Variants in MAN2A1 observed in about 807,000 individuals in gnomAD.
MAN2A1 encodes mannosidase alpha class 2A member 1.
A neutral mutation model predicts 142.6 loss-of-function variants in MAN2A1; 76 were observed. That is an observed-to-expected ratio of 0.53 (90% CI 0.44 to 0.65). The LOEUF (loss-of-function observed/expected upper bound fraction) is 0.65, where lower values mean the gene tolerates loss of function less well. MAN2A1 is among the 30% of genes least tolerant of loss of function. The pLI, the probability that MAN2A1 is intolerant of heterozygous loss-of-function variation, is 0.00. For synonymous variants in MAN2A1, 559 were observed against 473.2 expected, an observed-to-expected ratio of 1.18 and a Z score of -2.35; for missense variants, 1,311 against 1,365.1, an observed-to-expected ratio of 0.96 and a Z score of 0.62.
chr5:109,808,702 ATTTT>A (rs34026574), intron 12 of MAN2A1, among the ~76,000 whole-genome samples: 2 of 114,460 alleles, frequency 1.7e-5, no homozygotes, highest in Non-Finnish European at 1.8e-5. Context: ...CCTTACACTA[ATTTT>A]TTTTTTTTTT....
Position 109,838,074 on chromosome 5 carries a change from T to C in MAN2A1, c.2567-4254T>C, listed in dbSNP as rs1755102807. On this transcript the variant is annotated intron_variant, in intron 16 of 21. Coordinates refer to ENST00000261483, the MANE Select transcript of MAN2A1 (RefSeq NM_002372.4). ...GTAGGGAGATTAAAAAAAAAAAAAATCCTAGCTCCGGGTGTGAGACTGGAA... is the reference window on the plus strand; with the variant it reads ...GTAGGGAGATTAAAAAAAAAAAAAACCCTAGCTCCGGGTGTGAGACTGGAA... Among the ~76,000 whole-genome samples the C allele has an allele frequency of 2.0e-5, 3 of 151,054 alleles. No homozygotes were observed. The South Asian group carries it at 6.3e-4, about 32-fold the overall frequency.
chr5:109,705,322 A>G (rs1371883235), intron 1 of MAN2A1, among the ~76,000 whole-genome samples: 2 of 152,208 alleles, frequency 1.3e-5, no homozygotes, highest in Non-Finnish European at 2.9e-5. Context: ...AGTCTAAGAT[A>G]AAGATGTTGA....
intron 4 of MAN2A1, among the ~76,000 whole-genome samples, chr5:109,740,945 C>T (rs1752251904): frequency 6.6e-6 from 1 of 152,040 alleles, no homozygotes; most frequent in African/African-American, 2.4e-5. Context: ...TAGGTTGAAC[C>T]ATATAAAATT....
chr5:109,722,926 G>T (rs773694279), intron 3 of MAN2A1, among the ~76,000 whole-genome samples: 4 of 152,138 alleles, frequency 2.6e-5, no homozygotes, highest in Non-Finnish European at 5.9e-5. Flanking sequence ...TATGCCTGAA[G>T]TATTGTCAGT....
chr5:109,861,688 A>G (rs1755764360), intron 20 of MAN2A1, among the ~76,000 whole-genome samples: 1 of 152,188 alleles, frequency 6.6e-6, no homozygotes, highest in Non-Finnish European at 1.5e-5. Context: ...ACAGCCAGTA[A>G]TGTGGTCCTG....
At position 109,845,917 on chromosome 5, in the gene MAN2A1, C is replaced by A; in HGVS notation, c.2753C>A (p.Pro918His). The A allele has an allele frequency of 6.2e-7, 1 of 1,613,648 alleles. No individual in the cohort carries two copies. The highest frequency in any genetic ancestry group is 8.5e-7 in the Non-Finnish European group (1 of 1,179,700). ...SKLPLQANVYPMTTMAYIQDA... is the reference protein window; with the variant it reads ...SKLPLQANVYHMTTMAYIQDA... The stretch of plus-strand genomic sequence containing the variant: ...TTGCCTCTTCAAGCAAATGTCTATC[C>A]CATGACCACAATGGCCTATATCCAG... The change falls in exon 18 of 22, where the codon CCC (proline) becomes CAC (histidine). Residue 918 changes from proline to histidine, a missense_variant. Pro to His is a moderately conservative substitution (Grantham distance 77). Around this residue, in one of 3 missense-constraint regions of MAN2A1, gnomAD observed 890 missense variants for 920.5 expected, o/e 0.97. Transcript: ENST00000261483.
At chr5:109,717,793 C>T (rs1172413932) in intron 3 of MAN2A1, among the ~76,000 whole-genome samples, 1 of 152,138 alleles carries the variant, frequency 6.6e-6, no homozygotes, top group Non-Finnish European at 1.5e-5. Context: ...GGTGGAGTAA[C>T]ATCTTAAGCC....
At chr5:109,851,521 T>TCTTGC (rs1755481424) in intron 19 of MAN2A1, among the ~76,000 whole-genome samples, 1 of 152,198 alleles carries the variant, frequency 6.6e-6, no homozygotes, top group South Asian at 2.1e-4. Context: ...TCTTGCACTC[T>TCTTGC]CTTGCCTTTT....
intron 4 of MAN2A1, among the ~76,000 whole-genome samples, chr5:109,750,591 C>T (rs935360545): frequency 2.0e-5 from 3 of 152,040 alleles, no homozygotes; most frequent in Non-Finnish European, 4.4e-5. Flanking sequence ...AAGCTATGTG[C>T]TTTCTGGCCT....
intron 3 of MAN2A1, among the ~76,000 whole-genome samples, chr5:109,727,242 G>T (rs1285927612): frequency 1.3e-5 from 2 of 152,046 alleles, no homozygotes; most frequent in African/African-American, 4.8e-5. Flanking sequence ...ACAGTTCGAG[G>T]CTAGAAGTCC....
chr5:109,773,674 A>C (rs1753209855), intron 7 of MAN2A1, among the ~76,000 whole-genome samples: 1 of 152,168 alleles, frequency 6.6e-6, no homozygotes. Context: ...GTTACTGCTA[A>C]AATTTTATAT....
In MAN2A1 at chr5:109,789,051, T is replaced by A; in HGVS notation, c.1875+3T>A. 1.4e-6 allele frequency: 2 copies of A among 1,435,620 alleles called. No homozygotes were observed. Among genetic ancestry groups the A allele is most frequent in the Non-Finnish European group, 1.9e-6 (2 of 1,027,566 alleles). The allele number at this position is 1,435,620 out of a possible 1,614,324, so 88.9% of individuals were successfully genotyped here. A position where few individuals can be genotyped will look rare whatever the true frequency, so the allele number is the denominator to read the frequency against. ...CTCCTGATACCTTCCTGGAGATGGT[T>A]AGTAATTTCATCTATGGTCATCATA... is the stretch of plus-strand genomic sequence containing the variant. On this transcript the variant is annotated splice_donor_region_variant and intron_variant, in intron 11 of 21. Coordinates refer to ENST00000261483, the MANE Select transcript of MAN2A1 (RefSeq NM_002372.4).
At chr5:109,713,963 T>C (rs1038077304) in intron 2 of MAN2A1, among the ~76,000 whole-genome samples, 189 bp downstream of exon 2, 1 of 152,194 alleles carries the variant, frequency 6.6e-6, no homozygotes, top group African/African-American at 2.4e-5. Flanking sequence ...TCCATAATTC[T>C]ATTTCTCTCA....
At chr5:109,755,128 G>T (rs1752654406) in intron 4 of MAN2A1, among the ~76,000 whole-genome samples, 1 of 152,158 alleles carries the variant, frequency 6.6e-6, no homozygotes, top group African/African-American at 2.4e-5. Flanking sequence ...CCTGCAGAAG[G>T]GCAGGGGTTA....
At chr5:109,770,588 CA>C in intron 7 of MAN2A1, 47 bp downstream of exon 7, 1 of 1,536,364 alleles carries the variant, frequency 6.5e-7, no homozygotes, top group South Asian at 1.2e-5. Flanking sequence ...ATAAAGTAGC[CA>C]CTTAGCTGCT....
At chr5:109,753,493 A>G (rs576464200) in intron 4 of MAN2A1, among the ~76,000 whole-genome samples, 1 of 152,316 alleles carries the variant, frequency 6.6e-6, no homozygotes, top group African/African-American at 2.4e-5. Flanking sequence ...ATGAGTCATC[A>G]TATTCTCCAT....
rs753284939 is a variant in MAN2A1 at position 109,865,044 on chromosome 5, T to C, written c.3180T>C (p.Asn1060=). Reference sequence around the variant, plus strand: ...ATTCTGCTCATTTGCAGGTGGGCAATGGGCACTCCAATGAGGCAGCCTTGA... The same window carrying C: ...ATTCTGCTCATTTGCAGGTGGGCAACGGGCACTCCAATGAGGCAGCCTTGA... The part of the protein sequence containing the change: ...NLRTIQSKVG[N]GHSNEAALIL... The change falls in exon 21 of 22, where the codon AAT becomes AAC. Residue 1060 remains asparagine (N), a synonymous_variant. Coordinates refer to ENST00000261483, the MANE Select transcript of MAN2A1 (RefSeq NM_002372.4). 6.2e-7 allele frequency: 1 copy of C among 1,613,732 alleles called. No homozygotes were observed. The highest frequency in any genetic ancestry group is 8.5e-7 in the Non-Finnish European group (1 of 1,179,674).
At chr5:109,718,518 A>T (rs1481991821) in intron 3 of MAN2A1, among the ~76,000 whole-genome samples, 2 of 152,162 alleles carry the variant, frequency 1.3e-5, no homozygotes, top group African/African-American at 4.8e-5. Flanking sequence ...ATTTACCTGG[A>T]TCTCCCACTA....
At chr5:109,781,355 A>T in intron 8 of MAN2A1, 41 bp from the exon 9 acceptor site, 3 of 1,191,908 alleles carry the variant, frequency 2.5e-6, no homozygotes, top group Non-Finnish European at 3.6e-6. Flanking sequence ...AAATAATTTT[A>T]AGATAGAATG....
Sources: allele counts gnomAD v4.1 joint callset (sites outside exome capture counted in the v4.1 genomes callset), GRCh38; gene constraint gnomAD v4.1.1; regional missense constraint gnomAD v4.1.1; transcripts MANE v1.5; gene names NCBI Gene and HGNC (gene_info 2026-07-23, HGNC 2026-07-21).